NFASC: variants seen among roughly 807,000 people sequenced by gnomAD.
The protein encoded by NFASC is neurofascin homolog.
A neutral mutation model predicts 147.5 loss-of-function variants in NFASC; 43 were observed. The observed-to-expected ratio is 0.29, with a 90% confidence interval of 0.23 to 0.38. The LOEUF (loss-of-function observed/expected upper bound fraction) is 0.38. Ranked by LOEUF, NFASC falls within the 10% of genes least tolerant of loss-of-function variation. The probability of loss-of-function intolerance (pLI) is 1.00; values close to 1 mark genes in which losing one functional copy is unlikely to be tolerated. For missense variants in NFASC, 1,320 were observed against 1,689.0 expected (o/e 0.78, Z 3.83); for synonymous variants, 622 against 665.5 (o/e 0.93, Z 1.01).
intron 1 of NFASC, among the ~76,000 whole-genome samples, chr1:204,856,578 A>AT (rs1378420588): frequency 1.3e-5 from 2 of 152,220 alleles, no homozygotes; most frequent in Non-Finnish European, 2.9e-5. Flanking sequence ...CATTTAGCAG[A>AT]TTCACAATAT....
At chr1:204,969,641 A>C (rs2095143135) in intron 10 of NFASC, among the ~76,000 whole-genome samples, 2 of 152,198 alleles carry the variant, frequency 1.3e-5, no homozygotes, top group Admixed American at 6.5e-5. Context: ...CCATACACAA[A>C]CTAAGGAGTT....
intron 1 of NFASC, among the ~76,000 whole-genome samples, chr1:204,835,435 G>A (rs904474627): frequency 6.6e-6 from 1 of 151,876 alleles, no homozygotes; most frequent in African/African-American, 2.4e-5. Context: ...CACCATGTTG[G>A]CCAGGCTGGT....
intron 1 of NFASC, among the ~76,000 whole-genome samples, chr1:204,896,291 G>A (rs920314026): frequency 6.6e-6 from 1 of 152,182 alleles, no homozygotes; most frequent in African/African-American, 2.4e-5. Context: ...ATTTAGACGG[G>A]TCTAGAATGT....
At chr1:204,837,482 T>G (rs1224095760) in intron 1 of NFASC, among the ~76,000 whole-genome samples, 1 of 152,050 alleles carries the variant, frequency 6.6e-6, no homozygotes, top group Non-Finnish European at 1.5e-5. Context: ...TTGGCATTGG[T>G]GAGGAGTATT....
chr1:205,013,437 A>G (rs974270445), intron 29 of NFASC, among the ~76,000 whole-genome samples: 4 of 152,188 alleles, frequency 2.6e-5, no homozygotes, highest in East Asian at 1.9e-4. Context: ...CCAGTGCCCT[A>G]TGCCCCAGAT....
intron 1 of NFASC, among the ~76,000 whole-genome samples, chr1:204,845,901 C>A (rs1466776921): frequency 6.6e-6 from 1 of 151,992 alleles, no homozygotes; most frequent in South Asian, 2.1e-4. Context: ...ACCTCTGACT[C>A]TTGCTCCCAA....
intron 2 of NFASC, among the ~76,000 whole-genome samples, 170 bp downstream of exon 2, chr1:204,920,910 A>C (rs940864347): frequency 2.0e-5 from 3 of 152,172 alleles, no homozygotes; most frequent in African/African-American, 7.2e-5. Flanking sequence ...CTGAGTTGCC[A>C]CAGAACTGCA....
rs1047486534 is a variant in NFASC, at chr1:205,016,864, TCA to T, written c.*327_*328del. The stretch of plus-strand genomic sequence containing the variant: ...GTCCGCCCTTGGCCTCGGCACACGC[TCA>T]CCTTTTCTGTTGGTTACGGGACTTC... On this transcript the variant is annotated 3_prime_UTR_variant, in exon 30 of 30. Transcript: ENST00000339876. This position sits in a 1 kb window ranked among gnomAD's most constrained non-coding sequence, Gnocchi z 5.1. 8 of 428,354 alleles carry T rather than the reference TCA, an allele frequency of 1.9e-5. No individual in the cohort carries two copies. Among genetic ancestry groups the T allele is most frequent in the Non-Finnish European group, 3.5e-5 (8 of 226,786 alleles). 26.5% of individuals were successfully genotyped at this position (428,354 alleles called of 1,614,324 possible).
At chr1:204,953,178 G>A (rs2094224059) in intron 5 of NFASC, among the ~76,000 whole-genome samples, 1 of 152,236 alleles carries the variant, frequency 6.6e-6, no homozygotes, top group South Asian at 2.1e-4. Context: ...CTGAGGATGT[G>A]AGGCCTTGGC....
chr1:204,914,259 G>A (rs2149362539), intron 1 of NFASC, among the ~76,000 whole-genome samples: 1 of 152,258 alleles, frequency 6.6e-6, no homozygotes, highest in South Asian at 2.1e-4. Context: ...ATCTTGAATT[G>A]TAGTTCCCAT....
In NFASC at chr1:205,001,142, C is replaced by A. The variant is rs771441005; in HGVS notation, c.3020-28C>A. On this transcript the variant is annotated intron_variant, in intron 25 of 29. Transcript: ENST00000339876. Reference sequence around the variant, plus strand: ...CTCTGGTGCCACTCCCTCCTCATCACTAACCCCTTTTCTAACCCGTCCACC... The same window carrying A: ...CTCTGGTGCCACTCCCTCCTCATCAATAACCCCTTTTCTAACCCGTCCACC... The A allele has an allele frequency of 3.6e-6, 5 of 1,380,646 alleles. No individual in the cohort carries two copies. In the South Asian group the frequency reaches 3.6e-5, roughly 10 times the overall value. The allele number at this position is 1,380,646 out of a possible 1,614,324, so 85.5% of individuals were successfully genotyped here.
chr1:204,879,668 T>G (rs1461198738), intron 1 of NFASC, among the ~76,000 whole-genome samples: 1 of 152,212 alleles, frequency 6.6e-6, no homozygotes, highest in African/African-American at 2.4e-5. Flanking sequence ...TTATTTTTAT[T>G]TTGAAAACAG....
intron 1 of NFASC, among the ~76,000 whole-genome samples, chr1:204,885,094 G>A (rs767363722): frequency 1.3e-5 from 2 of 151,976 alleles, no homozygotes; most frequent in Non-Finnish European, 2.9e-5. Context: ...AAGAGTTTGG[G>A]CAACATAATG....
chr1:204,900,398 G>A (rs2084299154), intron 1 of NFASC, among the ~76,000 whole-genome samples: 2 of 152,210 alleles, frequency 1.3e-5, no homozygotes, highest in African/African-American at 2.4e-5. Context: ...CTTCAGAGGT[G>A]TCAGGAAAGG....
rs1558477930 is a variant in NFASC at position 205,012,871 on chromosome 1, G to A, written c.3491+5G>A. On this transcript the variant is annotated splice_donor_5th_base_variant and intron_variant, in intron 29 of 29. Coordinates refer to ENST00000339876, the MANE Select transcript of NFASC (RefSeq NM_001005388.3). ...GGATGGCTCATTTGACTATAGGTGC[G>A]TGATCTCCCTCCTCCTCTCTCAGGC... is the stretch of plus-strand genomic sequence containing the variant. 2.5e-6 allele frequency: 4 copies of A among 1,605,084 alleles called. No homozygotes were observed. The highest frequency in any genetic ancestry group is 3.4e-6 in the Non-Finnish European group (4 of 1,171,756).
intron 1 of NFASC, among the ~76,000 whole-genome samples, chr1:204,904,765 A>C (rs1391063213): frequency 6.6e-6 from 1 of 152,190 alleles, no homozygotes; most frequent in African/African-American, 2.4e-5. Flanking sequence ...TCAGGTGCAC[A>C]GCACTGGGTT....
chr1:204,991,089 T>C (rs922001849), intron 23 of NFASC, among the ~76,000 whole-genome samples: 12 of 152,194 alleles, frequency 7.9e-5, no homozygotes, highest in African/African-American at 2.7e-4. Context: ...CATGCCTGAC[T>C]CAGGTGGAGT....
At chr1:204,837,840 T>C (rs868711298) in intron 1 of NFASC, among the ~76,000 whole-genome samples, 2 of 152,330 alleles carry the variant, frequency 1.3e-5, no homozygotes, top group South Asian at 2.1e-4. Context: ...TCTGACTTTA[T>C]GGTCCTTGTG....
chr1:205,013,932 G>A (rs2096297027), intron 29 of NFASC, among the ~76,000 whole-genome samples: 1 of 152,216 alleles, frequency 6.6e-6, no homozygotes, highest in African/African-American at 2.4e-5. Flanking sequence ...GGCCATGACT[G>A]TCCACCTAGT....
Sources: allele counts gnomAD v4.1 joint callset (sites outside exome capture counted in the v4.1 genomes callset), GRCh38; gene constraint gnomAD v4.1.1; non-coding constraint Gnocchi (gnomAD v3.1); transcripts MANE v1.5; gene names NCBI Gene and HGNC (gene_info 2026-07-23, HGNC 2026-07-21).